Variants in ZNF469 observed in about 807,000 individuals in gnomAD.
The protein encoded by ZNF469 is zinc finger protein 469.
Under a neutral mutation model 1.0 loss-of-function variants are expected in ZNF469, and 1 was observed. The ratio of observed to expected loss-of-function variants is 1.00; its 90% CI spans 0.35 to 4.73. The LOEUF (loss-of-function observed/expected upper bound fraction) is 4.73. Among genes scored for constraint, ZNF469 ranks in the 30% most tolerant of loss-of-function variants. The probability of loss-of-function intolerance (pLI) is 0.16; values close to 1 mark genes in which losing one functional copy is unlikely to be tolerated. For missense variants in ZNF469, 6,100 were observed against 5,356.3 expected, an observed-to-expected ratio of 1.14 and a Z score of -4.33; for synonymous variants, 2,703 against 2,363.4, an observed-to-expected ratio of 1.14 and a Z score of -4.17.
chr16:88,250,071 C>G, the ZNF469 span, among the ~76,000 whole-genome samples: 1 of 152,240 alleles, frequency 6.6e-6, no homozygotes, highest in African/African-American at 2.4e-5. Flanking sequence ...CTTTGCAATT[C>G]AAGTATAATG....
chr16:88,162,125 C>T, the ZNF469 span, among the ~76,000 whole-genome samples: 1 of 152,156 alleles, frequency 6.6e-6, no homozygotes, highest in Non-Finnish European at 1.5e-5. Context: ...GAAAGAGCCA[C>T]ACATCTCCAC....
the ZNF469 span, among the ~76,000 whole-genome samples, chr16:88,213,245 C>G: frequency 2.6e-5 from 4 of 152,016 alleles, no homozygotes; most frequent in Admixed American, 2.6e-4. Flanking sequence ...ACTACAGGCG[C>G]CCGCCACCAC....
the ZNF469 span, among the ~76,000 whole-genome samples, chr16:88,298,206 A>T: frequency 2.0e-5 from 3 of 152,114 alleles, no homozygotes; most frequent in African/African-American, 7.2e-5. Context: ...GGACTCTTTC[A>T]TCAGCGGCTT....
At chr16:88,196,155 T>C in the ZNF469 span, among the ~76,000 whole-genome samples, 1 of 152,298 alleles carries the variant, frequency 6.6e-6, no homozygotes, top group East Asian at 1.9e-4. Flanking sequence ...GAGAGAGGCA[T>C]GGCTTGCCCG....
rs563475067 is a variant in ZNF469, at chr16:88,402,765, G to A, written c.-192+19511G>A. Among the ~76,000 whole-genome samples the A allele has an allele frequency of 5.9e-5, 9 of 152,294 alleles. 1 individual carries two copies. In the South Asian group the frequency reaches 1.5e-3, roughly 25 times the overall value. ...TCTGGACATTATTCCTCCGGTTCCAGGGCCTCTGATGAGCTGGGTTCATCT... is the reference window on the plus strand; with the variant it reads ...TCTGGACATTATTCCTCCGGTTCCAAGGCCTCTGATGAGCTGGGTTCATCT... On this transcript the variant is annotated intron_variant, in intron 1 of 2. Coordinates refer to ENST00000565624, the MANE Select transcript of ZNF469 (RefSeq NM_001367624.2).
the ZNF469 span, among the ~76,000 whole-genome samples, chr16:88,227,522 A>G: frequency 2.3e-4 from 9 of 38,526 alleles, no homozygotes; most frequent in Admixed American, 5.5e-4. Flanking sequence ...CCATCTCCCC[A>G]TCTCCCCATC....
intron 2 of ZNF469, among the ~76,000 whole-genome samples, chr16:88,425,730 C>T (rs1313379788): frequency 1.3e-5 from 2 of 152,230 alleles, no homozygotes; most frequent in Non-Finnish European, 2.9e-5. Context: ...CAAGGACTCC[C>T]AGGCCTTTGC....
chr16:88,412,503 C>T (rs1025848001), intron 1 of ZNF469, among the ~76,000 whole-genome samples: 2 of 152,230 alleles, frequency 1.3e-5, no homozygotes, highest in African/African-American at 4.8e-5. Context: ...GCTCCAATGG[C>T]GGTTCCAGAA....
At chr16:88,397,029 A>G (rs1904702936) in intron 1 of ZNF469, among the ~76,000 whole-genome samples, 1 of 148,170 alleles carries the variant, frequency 6.7e-6, no homozygotes, top group Non-Finnish European at 1.5e-5. Context: ...GGAGGCCGGG[A>G]GGAGACCCTC....
the ZNF469 span, among the ~76,000 whole-genome samples, chr16:88,343,335 G>A: frequency 2.6e-5 from 4 of 152,156 alleles, no homozygotes; most frequent in Admixed American, 6.5e-5. Context: ...ATAAAGTATC[G>A]AATGGATGAA....
At chr16:88,363,829 A>G in the ZNF469 span, among the ~76,000 whole-genome samples, 1 of 152,092 alleles carries the variant, frequency 6.6e-6, no homozygotes, top group Non-Finnish European at 1.5e-5. Context: ...AGCACCTCTG[A>G]GTCGTTGTTT....
At chr16:88,260,146 G>GTTT in the ZNF469 span, among the ~76,000 whole-genome samples, 5 of 137,206 alleles carry the variant, frequency 3.6e-5, no homozygotes, top group African/African-American at 1.3e-4. This position sits in a 1 kb window ranked among gnomAD's most constrained non-coding sequence, Gnocchi z 4.1. Context: ...CCCTGCTAGT[G>GTTT]TTTTTTTTTT....
chr16:88,132,973 A>T, the ZNF469 span, among the ~76,000 whole-genome samples: 1 of 152,250 alleles, frequency 6.6e-6, no homozygotes, highest in Non-Finnish European at 1.5e-5. Flanking sequence ...GTGCCACTCC[A>T]GGTAGGCACA....
the ZNF469 span, among the ~76,000 whole-genome samples, chr16:88,175,600 C>T: frequency 6.6e-6 from 1 of 152,162 alleles, no homozygotes; most frequent in African/African-American, 2.4e-5. Context: ...ACTCATGTTT[C>T]AAAGAAGAAA....
At chr16:88,107,196 C>G in the ZNF469 span, among the ~76,000 whole-genome samples, 77,557 of 151,866 alleles carry the variant, frequency 0.51, 20,220 homozygotes, top group Middle Eastern at 0.64. Flanking sequence ...GTGCTTGATG[C>G]CTGGATTAGC....
Position 88,430,015 on chromosome 16 carries a change from A to G in ZNF469, c.2545A>G (p.Asn849Asp). 1.3e-6 allele frequency: 2 copies of G among 1,550,366 alleles called. No homozygotes were observed. Among genetic ancestry groups the G allele is most frequent in the South Asian group, 1.2e-5 (1 of 84,066 alleles). Residue 849 changes from asparagine (N) to aspartate (D), a missense_variant, in exon 3 of 3, where the codon AAC (asparagine) becomes GAC (aspartate). Physicochemically the swap from Asn to Asp is conservative, Grantham distance 23. Coordinates refer to ENST00000565624, the MANE Select transcript of ZNF469 (RefSeq NM_001367624.2). ...KLDSLITEALNGMEYQSDNPE... is the reference protein window; with the variant it reads ...KLDSLITEALDGMEYQSDNPE... ...GGACAGCCTCATCACAGAGGCGCTC[A>G]ACGGCATGGAGTACCAGTCGGACAA...
In ZNF469 at chr16:88,437,136, C is replaced by T. The variant is rs1463164332; in HGVS notation, c.9666C>T (p.Ser3222=). ...GDLPGGLEGS[S]AVAHLLNSIT... is the part of the protein sequence containing the mutation. ...TGCCCGGAGGCCTGGAGGGCAGCAG[C>T]GCTGTCGCCCACCTTCTGAACAGCA... is the stretch of plus-strand genomic sequence containing the variant. The change falls in exon 3 of 3, where the codon AGC becomes AGT. Residue 3222 remains serine, a synonymous_variant. Transcript: ENST00000565624. 3.2e-6 allele frequency: 5 copies of T among 1,548,708 alleles called. No individual in the cohort carries two copies. Among genetic ancestry groups the T allele is most frequent in the Non-Finnish European group, 4.4e-6 (5 of 1,146,582 alleles).
At chr16:88,133,153 C>T in the ZNF469 span, among the ~76,000 whole-genome samples, 7 of 152,242 alleles carry the variant, frequency 4.6e-5, no homozygotes, top group East Asian at 1.9e-4. Context: ...TGCAGCGTAC[C>T]GGCCACAGCA....
chr16:88,330,233 C>T, the ZNF469 span, among the ~76,000 whole-genome samples: 1 of 152,238 alleles, frequency 6.6e-6, no homozygotes, highest in Non-Finnish European at 1.5e-5. Flanking sequence ...CTGTGGCATC[C>T]TGTGGGCGTC....
Sources: gnomAD v4.1 joint callset for allele counts (sites outside exome capture counted in the v4.1 genomes callset) on GRCh38, gnomAD v4.1.1 for gene constraint, Gnocchi (gnomAD v3.1) non-coding constraint, MANE v1.5 for transcripts, NCBI Gene and HGNC (gene_info 2026-07-23, HGNC 2026-07-21) for gene names.